Variants in GRIK3 observed in about 807,000 individuals in gnomAD.
GRIK3 encodes glutamate receptor ionotropic, kainate 3.
GRIK3 carries 29 observed loss-of-function variants against 102.5 expected under a neutral mutation model. The ratio of observed to expected loss-of-function variants is 0.28; its 90% CI spans 0.21 to 0.39. GRIK3 has a LOEUF of 0.39. GRIK3 is among the 10% of genes least tolerant of loss of function. GRIK3 has a pLI of 1.00. For missense variants in GRIK3, 908 were observed against 1,252.4 expected (o/e 0.73, Z 4.15); for synonymous variants, 511 against 504.9 (o/e 1.01, Z -0.16).
chr1:37,033,663 G>T (rs1462350237), intron 1 of GRIK3, among the ~76,000 whole-genome samples: 2 of 152,120 alleles, frequency 1.3e-5, no homozygotes, highest in Admixed American at 6.5e-5. Flanking sequence ...GAACTCGGTC[G>T]GCTGCGGTTC....
rs759911227 is a variant in GRIK3 at position 36,872,367 on chromosome 1, G to A, written c.553C>T (p.Leu185Phe). 1 of 1,585,762 alleles carries A rather than the reference G, an allele frequency of 6.3e-7. No individual in the cohort carries two copies. The highest frequency in any genetic ancestry group is 2.3e-5 in the East Asian group (1 of 43,898). The change falls in exon 4 of 16, where the codon CTC becomes TTC. Residue 185 changes from leucine to phenylalanine, a missense_variant and splice_region_variant. Leu to Phe is a conservative substitution (Grantham distance 22, BLOSUM62 0). Transcript: ENST00000373091. This position sits in a 1 kb window ranked among gnomAD's most constrained non-coding sequence, Gnocchi z 5.9. The stretch of plus-strand genomic sequence containing the variant: ...ATGATGAGCTCCTGCAGTCGGATGA[G>A]CCCTGAGGGGCCATGGAGCACAAAA... ...ATVVYDDSTG[L>F]IRLQELIMAP...
At chr1:36,925,548 A>G (rs897561256) in intron 1 of GRIK3, among the ~76,000 whole-genome samples, 2 of 152,280 alleles carry the variant, frequency 1.3e-5, no homozygotes, top group Non-Finnish European at 2.9e-5. Context: ...GATGTTGTGT[A>G]GAAACAGACA....
rs1642258884 is a variant in GRIK3, at chr1:36,982,360, T to G, written c.115+51634A>C. Among the ~76,000 whole-genome samples, 2 of 152,196 alleles carry G rather than the reference T, an allele frequency of 1.3e-5. 1 individual carries two copies. The highest frequency in any genetic ancestry group is 4.1e-4 in the South Asian group (2 of 4,826). ...CAGCTTCTGGAGGAGGCGGCCCTGCTTGGCGCACCATCCAGAGGAGCTGGG... is the reference window on the plus strand; with the variant it reads ...CAGCTTCTGGAGGAGGCGGCCCTGCGTGGCGCACCATCCAGAGGAGCTGGG... On this transcript the variant is annotated intron_variant, in intron 1 of 15. Coordinates refer to ENST00000373091, the MANE Select transcript of GRIK3 (RefSeq NM_000831.4).
At chr1:36,871,434 A>G (rs1640842640) in intron 4 of GRIK3, among the ~76,000 whole-genome samples, 1 of 152,168 alleles carries the variant, frequency 6.6e-6, no homozygotes, top group Non-Finnish European at 1.5e-5. Flanking sequence ...GCCCCACAGA[A>G]TGCCTCCTCC....
In GRIK3 at chr1:36,890,905, G is replaced by A; in HGVS notation, c.292+15C>T. 1 of 1,596,532 alleles carries A rather than the reference G, an allele frequency of 6.3e-7. No individual in the cohort carries two copies. Among genetic ancestry groups the A allele is most frequent in the Middle Eastern group, 1.7e-4 (1 of 5,974 alleles). On this transcript the variant is annotated intron_variant, in intron 2 of 15. Transcript: ENST00000373091. ...CAGGCTGGGAAGAGAACAGAGGCAG[G>A]AGCTGCACACTCACCCTTTTTGGTC...
chr1:37,017,504 G>A (rs1052299874), intron 1 of GRIK3, among the ~76,000 whole-genome samples: 3 of 151,958 alleles, frequency 2.0e-5, no homozygotes, highest in African/African-American at 7.3e-5. Flanking sequence ...TGACCTTCCT[G>A]GAGTTTGCAT....
rs1188711567 is a variant in GRIK3, at chr1:36,800,554, C to T, written c.*1297G>A. ...ACAACAGACAAGGGGCCAGGATGGC[C>T]TCATGTCTCTGTGTGGGGTCTTTGG... On this transcript the variant is annotated 3_prime_UTR_variant, in exon 16 of 16. Transcript: ENST00000373091. 1 of 152,220 alleles carries T rather than the reference C, an allele frequency of 6.6e-6. No individual in the cohort carries two copies. Among genetic ancestry groups the T allele is most frequent in the Non-Finnish European group, 1.5e-5 (1 of 68,042 alleles). 9.4% of individuals were successfully genotyped at this position (152,220 alleles called of 1,614,324 possible).
rs549100702 is a variant in GRIK3 at position 36,920,921 on chromosome 1, G to A, written c.116-29825C>T. On this transcript the variant is annotated intron_variant, in intron 1 of 15. Transcript: ENST00000373091. Reference sequence around the variant, plus strand: ...GTTTCTGCCTCATCCCTGCATGCCTGCTGCCTCCCGCCCCCTCCATGCATA... The same window carrying A: ...GTTTCTGCCTCATCCCTGCATGCCTACTGCCTCCCGCCCCCTCCATGCATA... Among the ~76,000 whole-genome samples the A allele has an allele frequency of 2.0e-5, 3 of 152,324 alleles. No homozygotes were observed. The East Asian group carries it at 5.8e-4, about 29-fold the overall frequency.
At chr1:37,024,107 C>A (rs956627849) in intron 1 of GRIK3, among the ~76,000 whole-genome samples, 12 of 152,200 alleles carry the variant, frequency 7.9e-5, no homozygotes, top group African/African-American at 2.7e-4. Flanking sequence ...GCTAAAAAGC[C>A]TGAAACAATC....
intron 12 of GRIK3, among the ~76,000 whole-genome samples, chr1:36,817,650 C>T (rs957257387): frequency 6.6e-6 from 1 of 152,184 alleles, no homozygotes; most frequent in Non-Finnish European, 1.5e-5. Flanking sequence ...TAACCATGGA[C>T]CACTTATGTG....
At chr1:37,024,666 C>A (rs951659801) in intron 1 of GRIK3, among the ~76,000 whole-genome samples, 1 of 148,202 alleles carries the variant, frequency 6.7e-6, no homozygotes, top group Non-Finnish European at 1.5e-5. Flanking sequence ...TTGCTTGAAC[C>A]CAGGAAGTGG....
chr1:36,949,350 T>TC (rs879412983), intron 1 of GRIK3, among the ~76,000 whole-genome samples: 1 of 152,074 alleles, frequency 6.6e-6, no homozygotes, highest in African/African-American at 2.4e-5. Context: ...CCTCACTCTG[T>TC]CTCTTTCAAC....
At chr1:36,964,833 GA>G (rs1318042574) in intron 1 of GRIK3, among the ~76,000 whole-genome samples, 3 of 152,188 alleles carry the variant, frequency 2.0e-5, no homozygotes, top group Non-Finnish European at 4.4e-5. Flanking sequence ...CAAGGCATCT[GA>G]CAAATGTCCT....
chr1:36,807,130 G>C (rs1030916441), intron 13 of GRIK3, among the ~76,000 whole-genome samples: 1 of 152,122 alleles, frequency 6.6e-6, no homozygotes, highest in African/African-American at 2.4e-5. Context: ...GCCCAGGGCT[G>C]TAGGGTCCTG....
chr1:36,958,395 G>A (rs550825), intron 1 of GRIK3, among the ~76,000 whole-genome samples: 3 of 92,708 alleles, frequency 3.2e-5, no homozygotes, highest in African/African-American at 1.7e-4. Flanking sequence ...TCTGCGCCCT[G>A]TGAGCCTGTG....
rs770443732 is a variant in GRIK3, at chr1:36,802,064, G to A, written c.2566-19C>T. ...AGGAACGCTGCAGGAGGGTGGAGGA[G>A]AGGGGTCGGAAAAGGGGCACAGAGT... is the stretch of plus-strand genomic sequence containing the variant. On this transcript the variant is annotated intron_variant, in intron 15 of 15. Coordinates refer to ENST00000373091, the MANE Select transcript of GRIK3 (RefSeq NM_000831.4). The A allele has an allele frequency of 1.3e-6, 2 of 1,584,126 alleles. No individual in the cohort carries two copies. Among genetic ancestry groups the A allele is most frequent in the South Asian group, 2.3e-5 (2 of 86,486 alleles).
At chr1:36,956,082 C>T (rs1264936063) in intron 1 of GRIK3, among the ~76,000 whole-genome samples, 1 of 152,216 alleles carries the variant, frequency 6.6e-6, no homozygotes, top group Non-Finnish European at 1.5e-5. Flanking sequence ...GGGGAGGAGT[C>T]CTGAGCCGTG....
chr1:36,884,173 G>A (rs570044839), intron 2 of GRIK3, among the ~76,000 whole-genome samples: 2 of 152,302 alleles, frequency 1.3e-5, no homozygotes, highest in East Asian at 3.9e-4. Flanking sequence ...TGTAGTTCTG[G>A]GACTGGGAGC....
intron 1 of GRIK3, among the ~76,000 whole-genome samples, chr1:36,928,741 G>GC (rs1641556583): frequency 6.6e-6 from 1 of 152,192 alleles, no homozygotes; most frequent in Non-Finnish European, 1.5e-5. Flanking sequence ...AACTTCTTCA[G>GC]CCTCATTCTT....
Sources: allele counts gnomAD v4.1 joint callset (sites outside exome capture counted in the v4.1 genomes callset), GRCh38; gene constraint gnomAD v4.1.1; non-coding constraint Gnocchi (gnomAD v3.1); transcripts MANE v1.5; gene names NCBI Gene and HGNC (gene_info 2026-07-23, HGNC 2026-07-21).